Variants in EPB41L4A observed in about 807,000 individuals in gnomAD.
The protein encoded by EPB41L4A is erythrocyte membrane protein band 4.1 like 4A.
In EPB41L4A, 100 loss-of-function variants were observed where a neutral mutation model predicts 108.6. The ratio of observed to expected loss-of-function variants is 0.92; its 90% CI spans 0.78 to 1.09. EPB41L4A has a LOEUF of 1.09. Ranked by LOEUF, EPB41L4A falls within the 50% of genes least tolerant of loss-of-function variation. The pLI is 0.00. For missense variants in EPB41L4A, 1,030 were observed against 842.7 expected (o/e 1.22, Z -2.75); for synonymous variants, 319 against 289.0 (o/e 1.10, Z -1.05).
intron 1 of EPB41L4A, among the ~76,000 whole-genome samples, chr5:112,315,495 T>G (rs1044309429): frequency 1.3e-5 from 2 of 152,196 alleles, no homozygotes; most frequent in African/African-American, 4.8e-5. Flanking sequence ...AGATTTCCAT[T>G]TTTCTTGACC....
At chr5:112,261,831 C>A (rs917487924) in intron 7 of EPB41L4A, among the ~76,000 whole-genome samples, 1 of 149,152 alleles carries the variant, frequency 6.7e-6, no homozygotes, top group Non-Finnish European at 1.5e-5. Flanking sequence ...GCCATAAAAT[C>A]TATTTTTTGA....
chr5:112,308,700 T>C (rs1288488114), intron 1 of EPB41L4A, among the ~76,000 whole-genome samples: 1 of 152,210 alleles, frequency 6.6e-6, no homozygotes, highest in Non-Finnish European at 1.5e-5. Flanking sequence ...AATGTCTCTG[T>C]GCTCATGTAC....
At position 112,418,951 on chromosome 5, in the gene EPB41L4A, T is replaced by C; in HGVS notation, c.89A>G (p.Gln30Arg). The change falls in exon 1 of 23, where the codon CAG becomes CGG. Residue 30 changes from glutamine to arginine, a missense_variant. Physicochemically the swap from Gln to Arg is conservative, Grantham distance 43 (BLOSUM62 1). Transcript: ENST00000261486. ...CCGGGCCGCACCCACCTTGATGCCC[T>C]GCTGCTGGGTGGTAAGGGTTAACTT... ...ESKLTLTTQQ[Q>R]GIKKSTKGSV... 1 of 1,612,990 alleles carries C rather than the reference T, an allele frequency of 6.2e-7. No individual in the cohort carries two copies. The highest frequency in any genetic ancestry group is 8.5e-7 in the Non-Finnish European group (1 of 1,179,380).
rs200538052 is a variant in EPB41L4A at position 112,205,489 on chromosome 5, C to G, written c.1194G>C (p.Lys398Asn). The G allele has an allele frequency of 7.9e-5, 127 of 1,608,900 alleles. No homozygotes were observed. Among genetic ancestry groups the G allele is most frequent in the Non-Finnish European group, 1.0e-4 (122 of 1,178,422 alleles). ...PSPVKSFKKA[K>N]NENSPDTQRS... is the part of the protein sequence containing the mutation. ...TTTGGGTATCAGGGCTATTTTCATTCTTTGCTTTCTTAAAGCTTTAATTTT... is the reference window on the plus strand; with the variant it reads ...TTTGGGTATCAGGGCTATTTTCATTGTTTGCTTTCTTAAAGCTTTAATTTT... Residue 398 changes from lysine (K) to asparagine (N), a missense_variant, in exon 14 of 23, where the codon AAG (lysine) becomes AAC (asparagine). Transcript: ENST00000261486.
chr5:112,367,996 AAAG>A (rs1422419896), intron 1 of EPB41L4A, among the ~76,000 whole-genome samples: 3 of 152,360 alleles, frequency 2.0e-5, no homozygotes, highest in Admixed American at 6.5e-5. Context: ...ATTTTTATAA[AAAG>A]AAGGTGATCA....
chr5:112,345,179 T>G (rs1757558881), intron 1 of EPB41L4A, among the ~76,000 whole-genome samples: 1 of 152,188 alleles, frequency 6.6e-6, no homozygotes, highest in African/African-American at 2.4e-5. Flanking sequence ...TGTCCAGAGT[T>G]GGCCCCCAAG....
intron 1 of EPB41L4A, among the ~76,000 whole-genome samples, chr5:112,380,792 T>TACACACACACACACAC (rs34831455): frequency 2.8e-5 from 4 of 141,114 alleles, no homozygotes; most frequent in African/African-American, 1.1e-4. Context: ...ATCACACACA[T>TACACACACACACACAC]ACACACACAC....
In EPB41L4A at chr5:112,178,090, G is replaced by A. The variant is rs1760962470; in HGVS notation, c.1622+5926C>T. Among the ~76,000 whole-genome samples the A allele has an allele frequency of 3.3e-5, 5 of 151,358 alleles. No homozygotes were observed. The South Asian group carries it at 1.0e-3, about 32-fold the overall frequency. On this transcript the variant is annotated intron_variant, in intron 18 of 22. Transcript: ENST00000261486. ...AACTGTACACTGTTTACAAGAGGTG[G>A]ACTTTAAATATAAAGACATAACTAG...
chr5:112,345,766 TACATATATATATATACACAC>T (rs1757606822), intron 1 of EPB41L4A, among the ~76,000 whole-genome samples: 3 of 112,270 alleles, frequency 2.7e-5, no homozygotes, highest in Non-Finnish European at 1.8e-5. Context: ...TATATATATA[TACATATATATATATACACAC>T]ACACACACAC....
Position 112,307,368 on chromosome 5 carries a change from C to G in EPB41L4A, c.204+18G>C, listed in dbSNP as rs781206955. On this transcript the variant is annotated intron_variant, in intron 2 of 22. Transcript: ENST00000261486. ...AATTTATAACCAGAAAAATTTAACA[C>G]AAAGTCACCTTACTCACCGTCTGAT... The G allele has an allele frequency of 6.5e-7, 1 of 1,548,396 alleles. No individual in the cohort carries two copies. Among genetic ancestry groups the G allele is most frequent in the East Asian group, 2.3e-5 (1 of 44,414 alleles).
At chr5:112,222,344 T>C (rs913721957) in intron 12 of EPB41L4A, among the ~76,000 whole-genome samples, 1 of 152,228 alleles carries the variant, frequency 6.6e-6, no homozygotes, top group Non-Finnish European at 1.5e-5. Context: ...GTTAGGATCC[T>C]GGCTTTGCGC....
At chr5:112,159,171 T>C (rs1209206277), downstream of EPB41L4A, among the ~76,000 whole-genome samples, 1 of 151,648 alleles carries the variant, frequency 6.6e-6, no homozygotes, top group African/African-American at 2.4e-5. Context: ...TGAATTTTCT[T>C]TTTTTTTTAA....
chr5:112,328,595 A>G (rs1055401024), intron 1 of EPB41L4A, among the ~76,000 whole-genome samples: 1 of 152,220 alleles, frequency 6.6e-6, no homozygotes, highest in African/African-American at 2.4e-5. Flanking sequence ...TTCTCCTGAC[A>G]GCTCACTCTT....
chr5:112,227,923 TG>T (rs1425401210), intron 12 of EPB41L4A, among the ~76,000 whole-genome samples: 1 of 152,292 alleles, frequency 6.6e-6, no homozygotes, highest in East Asian at 1.9e-4. Context: ...TCATTCACTA[TG>T]GGGGGTCCAG....
At chr5:112,190,947 T>C (rs1283425783) in intron 17 of EPB41L4A, among the ~76,000 whole-genome samples, 6 of 151,814 alleles carry the variant, frequency 4.0e-5, no homozygotes, top group Admixed American at 1.3e-4. Context: ...AATAATATGA[T>C]ATAAAAAGTG....
chr5:112,280,113 T>C (rs1394944691), intron 3 of EPB41L4A, among the ~76,000 whole-genome samples, 159 bp downstream of exon 3: 1 of 152,194 alleles, frequency 6.6e-6, no homozygotes, highest in Admixed American at 6.5e-5. Context: ...GGAGAGGGCC[T>C]AGCAATGCAC....
intron 18 of EPB41L4A, among the ~76,000 whole-genome samples, chr5:112,179,698 A>G (rs753986411): frequency 1.3e-5 from 2 of 152,178 alleles, no homozygotes; most frequent in Non-Finnish European, 2.9e-5. Context: ...TGCAGCTAGC[A>G]TCATATATAA....
At chr5:112,213,505 C>T (rs1007446271) in intron 12 of EPB41L4A, among the ~76,000 whole-genome samples, 1 of 152,026 alleles carries the variant, frequency 6.6e-6, no homozygotes, top group African/African-American at 2.4e-5. Flanking sequence ...TGCACCACCA[C>T]GCCCGGCTAA....
At chr5:112,215,768 A>AAAC (rs1554079171) in intron 12 of EPB41L4A, among the ~76,000 whole-genome samples, 8 of 148,510 alleles carry the variant, frequency 5.4e-5, no homozygotes, top group African/African-American at 1.7e-4. Context: ...ATCTCAAAAA[A>AAAC]AAAAAAAAAC....
Sources: gnomAD v4.1 joint callset for allele counts (sites outside exome capture counted in the v4.1 genomes callset) on GRCh38, gnomAD v4.1.1 for gene constraint, MANE v1.5 for transcripts, NCBI Gene and HGNC (gene_info 2026-07-23, HGNC 2026-07-21) for gene names.